Variants in RALGAPA1 observed in about 807,000 individuals in gnomAD.
RALGAPA1 encodes ral GTPase-activating protein subunit alpha-1.
In RALGAPA1, 52 loss-of-function variants were observed where a neutral mutation model predicts 269.6. That is an observed-to-expected ratio of 0.19 (90% CI 0.15 to 0.24). The LOEUF (loss-of-function observed/expected upper bound fraction) is 0.24. RALGAPA1 is among the 10% of genes least tolerant of loss of function. The pLI is 1.00. For synonymous variants in RALGAPA1, 817 were observed against 1,008.3 expected (o/e 0.81, Z 3.60); for missense variants, 1,917 against 3,013.9 (o/e 0.64, Z 8.52).
At chr14:35,756,384 T>C (rs528243013) in intron 7 of RALGAPA1, 1 of 153,114 alleles carries the variant, frequency 6.5e-6, no homozygotes, top group Non-Finnish European at 1.5e-5. Flanking sequence ...AGGTTTCCAC[T>C]ACAGATGCAA....
At chr14:35,670,433 C>T (rs1325780983) in intron 26 of RALGAPA1, among the ~76,000 whole-genome samples, 1 of 152,154 alleles carries the variant, frequency 6.6e-6, no homozygotes, top group African/African-American at 2.4e-5. Flanking sequence ...TGAATTTGAT[C>T]ATGTCACTCC....
chr14:35,574,505 G>A (rs1025077766), intron 37 of RALGAPA1, among the ~76,000 whole-genome samples: 5 of 152,218 alleles, frequency 3.3e-5, no homozygotes, highest in Admixed American at 6.5e-5. Flanking sequence ...CATTTTAAGC[G>A]AAAAGCTTCA....
At chr14:35,705,549 T>C (rs1263661961) in intron 16 of RALGAPA1, among the ~76,000 whole-genome samples, 2 of 152,220 alleles carry the variant, frequency 1.3e-5, no homozygotes, top group Non-Finnish European at 2.9e-5. Flanking sequence ...TATTCCATTT[T>C]ATGGATGTAC....
At chr14:35,567,174 T>C (rs1447362694) in intron 39 of RALGAPA1, among the ~76,000 whole-genome samples, 2 of 151,990 alleles carry the variant, frequency 1.3e-5, no homozygotes. Flanking sequence ...AGTATTCATG[T>C]TTACTATTTT....
At chr14:35,682,942 C>G (rs563687368) in intron 21 of RALGAPA1, among the ~76,000 whole-genome samples, 1 of 152,182 alleles carries the variant, frequency 6.6e-6, no homozygotes, top group South Asian at 2.1e-4. Context: ...TTTAGAATTC[C>G]CCTGGCTCAA....
At chr14:35,630,294 T>G (rs977577147) in intron 33 of RALGAPA1, among the ~76,000 whole-genome samples, 29 of 139,064 alleles carry the variant, frequency 2.1e-4, no homozygotes, top group Admixed American at 7.2e-5. Context: ...TATTTACTGG[T>G]TTTTTTTTTT....
At chr14:35,561,440 T>A (rs1042561099) in intron 39 of RALGAPA1, among the ~76,000 whole-genome samples, 8 of 149,702 alleles carry the variant, frequency 5.3e-5, no homozygotes, top group African/African-American at 2.0e-4. Flanking sequence ...GCAAAATCCA[T>A]GACAAGGGGA....
intron 3 of RALGAPA1, among the ~76,000 whole-genome samples, chr14:35,774,796 A>G (rs1333891388): frequency 6.6e-6 from 1 of 152,188 alleles, no homozygotes; most frequent in African/African-American, 2.4e-5. Context: ...ATGTATAAAA[A>G]CATAATTATA....
intron 36 of RALGAPA1, among the ~76,000 whole-genome samples, chr14:35,597,933 G>C (rs1256589461): frequency 2.0e-5 from 3 of 152,060 alleles, no homozygotes; most frequent in Non-Finnish European, 4.4e-5. Flanking sequence ...TTGTTTTATG[G>C]CCCAGGATAT....
At chr14:35,676,732 CT>C (rs1361225976) in intron 22 of RALGAPA1, 2 of 152,152 alleles carry the variant, frequency 1.3e-5, no homozygotes, top group Non-Finnish European at 2.9e-5. Context: ...TTGCAATTTC[CT>C]CTTACATGCC....
At chr14:35,718,549 C>A (rs1412419997) in intron 16 of RALGAPA1, among the ~76,000 whole-genome samples, 1 of 152,284 alleles carries the variant, frequency 6.6e-6, no homozygotes, top group African/African-American at 2.4e-5. Flanking sequence ...GGCACAGAGG[C>A]TCACACCTGT....
At chr14:35,575,211 T>C (rs10133473) in intron 37 of RALGAPA1, among the ~76,000 whole-genome samples, 17,516 of 152,218 alleles carry the variant, frequency 0.12, 1,092 homozygotes, top group South Asian at 0.14. Flanking sequence ...TACATGTTTA[T>C]TGACCCAGAT....
At chr14:35,697,867 A>C (rs2067022548) in intron 17 of RALGAPA1, among the ~76,000 whole-genome samples, 1 of 152,158 alleles carries the variant, frequency 6.6e-6, no homozygotes, top group Non-Finnish European at 1.5e-5. Context: ...TCAAATTCTA[A>C]GAGAAAAAAA....
intron 36 of RALGAPA1, among the ~76,000 whole-genome samples, chr14:35,597,002 T>A (rs118104527): frequency 2.0e-5 from 3 of 152,128 alleles, no homozygotes; most frequent in Admixed American, 2.0e-4. Flanking sequence ...AGATTCCTCA[T>A]TTTTGGTTCC....
intron 16 of RALGAPA1, chr14:35,715,890 T>C (rs1287069142): frequency 3.0e-6 from 3 of 985,280 alleles, no homozygotes; most frequent in Middle Eastern, 5.2e-4. Context: ...TTTCCACTCA[T>C]AGTTTTATTT....
chr14:35,567,552 C>T (rs1330743136), intron 39 of RALGAPA1, among the ~76,000 whole-genome samples: 1 of 151,952 alleles, frequency 6.6e-6, no homozygotes, highest in Non-Finnish European at 1.5e-5. Context: ...CAAGGCAGAG[C>T]TTGAGTTAAA....
intron 6 of RALGAPA1, among the ~76,000 whole-genome samples, chr14:35,760,512 C>T (rs778030967): frequency 5.9e-5 from 9 of 152,180 alleles, no homozygotes; most frequent in Non-Finnish European, 1.2e-4. Flanking sequence ...TGTTTCTTCC[C>T]ATAGAAACCA....
intron 41 of RALGAPA1, among the ~76,000 whole-genome samples, chr14:35,539,924 C>A (rs1252574018): frequency 2.6e-5 from 4 of 152,106 alleles, no homozygotes; most frequent in African/African-American, 4.8e-5. Context: ...ATTCCCAGGG[C>A]TAGAACCCTG....
chr14:35,697,138 T>C (rs1175700622), intron 17 of RALGAPA1, among the ~76,000 whole-genome samples: 1 of 152,214 alleles, frequency 6.6e-6, no homozygotes, highest in Non-Finnish European at 1.5e-5. Context: ...TTTAATTTGC[T>C]TCCAAGAATC....
Sources: gnomAD v4.1 joint callset for allele counts (sites outside exome capture counted in the v4.1 genomes callset) on GRCh38, gnomAD v4.1.1 for gene constraint, MANE v1.5 for transcripts, NCBI Gene and HGNC (gene_info 2026-07-23, HGNC 2026-07-21) for gene names.